KCNMB4: variants seen among roughly 807,000 people sequenced by gnomAD.
KCNMB4 encodes the protein calcium-activated potassium channel subunit beta-4.
In KCNMB4, 3 loss-of-function variants were observed where a neutral mutation model predicts 20.7. That is an observed-to-expected ratio of 0.14 (90% CI 0.07 to 0.37). KCNMB4 has a LOEUF of 0.37. Among genes scored for constraint, KCNMB4 ranks in the 10% least tolerant of loss-of-function variants. The probability of loss-of-function intolerance (pLI) is 1.00; values close to 1 mark genes in which losing one functional copy is unlikely to be tolerated. For missense variants in KCNMB4, 168 were observed against 265.9 expected (o/e 0.63, Z 2.56); for synonymous variants, 110 against 113.4 (o/e 0.97, Z 0.19).
chr12:70,433,531 A>G lies in KCNMB4; in HGVS notation c.*2878A>G, dbSNP rs910796498. ...CACCGTCCATTCATGAATACTTACT[A>G]TATAGCTATACCTAGCTTCAAGAAA... is the stretch of plus-strand genomic sequence containing the variant. On this transcript the variant is annotated 3_prime_UTR_variant, in exon 3 of 3. Transcript: ENST00000258111. 6.6e-6 allele frequency: 1 copy of G among 152,220 alleles called. No individual in the cohort carries two copies. The highest frequency in any genetic ancestry group is 2.4e-5 in the African/African-American group (1 of 41,460). The allele number at this position is 152,220 out of a possible 1,614,324, so 9.4% of individuals were successfully genotyped here.
intron 2 of KCNMB4, among the ~76,000 whole-genome samples, chr12:70,407,081 C>T (rs746719548): frequency 2.6e-5 from 4 of 152,164 alleles, no homozygotes; most frequent in Non-Finnish European, 4.4e-5. Context: ...CTTCAGATGT[C>T]AAGCGCATGT....
At chr12:70,369,203 A>G (rs1004890050) in intron 1 of KCNMB4, among the ~76,000 whole-genome samples, 3 of 152,208 alleles carry the variant, frequency 2.0e-5, no homozygotes, top group African/African-American at 7.2e-5. Flanking sequence ...CTCTTTATCC[A>G]GATTATAATT....
chr12:70,371,013 C>T (rs1321508771), intron 1 of KCNMB4, among the ~76,000 whole-genome samples: 2 of 152,128 alleles, frequency 1.3e-5, no homozygotes, highest in East Asian at 3.9e-4. Flanking sequence ...TGTGCTACCA[C>T]ACCCAGCTAA....
chr12:70,382,113 C>A (rs140310311), intron 1 of KCNMB4, among the ~76,000 whole-genome samples: 1,761 of 152,176 alleles, frequency 0.012, 102 homozygotes, highest in Admixed American at 0.089. Flanking sequence ...TAGAAATATA[C>A]ATCTAATTAA....
chr12:70,367,867 GAAAAAGA>G (rs1048112583), intron 1 of KCNMB4, among the ~76,000 whole-genome samples: 2 of 145,062 alleles, frequency 1.4e-5, no homozygotes, highest in African/African-American at 5.1e-5. Flanking sequence ...AGAAGAAAAA[GAAAAAGA>G]AAAAAAAAAA....
chr12:70,407,679 G>A (rs1199256353), intron 2 of KCNMB4, among the ~76,000 whole-genome samples: 2 of 151,746 alleles, frequency 1.3e-5, no homozygotes, highest in Non-Finnish European at 2.9e-5. Flanking sequence ...GTGTTAGCCA[G>A]GATGGTCTCG....
intron 1 of KCNMB4, among the ~76,000 whole-genome samples, chr12:70,385,922 CTG>C (rs1403915648): frequency 1.3e-5 from 2 of 152,164 alleles, no homozygotes; most frequent in Admixed American, 1.3e-4. Context: ...CAGGTCAACT[CTG>C]TGAAAACAGG....
At chr12:70,378,363 A>G (rs1203785172) in intron 1 of KCNMB4, among the ~76,000 whole-genome samples, 1 of 152,162 alleles carries the variant, frequency 6.6e-6, no homozygotes, top group Non-Finnish European at 1.5e-5. Context: ...GGTTGGAATC[A>G]ACTTCTTCCA....
intron 1 of KCNMB4, among the ~76,000 whole-genome samples, chr12:70,368,224 A>C (rs1883529941): frequency 6.6e-6 from 1 of 152,158 alleles, no homozygotes; most frequent in South Asian, 2.1e-4. Context: ...TATTAATCCA[A>C]AAGAAAAAAA....
chr12:70,384,995 A>C (rs369652564), intron 1 of KCNMB4, among the ~76,000 whole-genome samples: 1 of 152,160 alleles, frequency 6.6e-6, no homozygotes, highest in East Asian at 1.9e-4. Flanking sequence ...TGATCAAGAA[A>C]CCTTTACAAG....
At chr12:70,421,900 C>T (rs566418287) in intron 2 of KCNMB4, among the ~76,000 whole-genome samples, 240 of 137,104 alleles carry the variant, frequency 1.8e-3, no homozygotes, top group South Asian at 7.1e-3. Flanking sequence ...TTTTTTTTAA[C>T]GAAGTTATTT....
At chr12:70,413,057 A>T (rs867015904) in intron 2 of KCNMB4, among the ~76,000 whole-genome samples, 1 of 152,220 alleles carries the variant, frequency 6.6e-6, no homozygotes, top group Non-Finnish European at 1.5e-5. Context: ...GAGAGATTAC[A>T]TCAGAGTTGA....
chr12:70,370,590 G>A (rs1422982457), intron 1 of KCNMB4, among the ~76,000 whole-genome samples: 8 of 152,094 alleles, frequency 5.3e-5, no homozygotes, highest in African/African-American at 1.9e-4. Context: ...TTACAGGCAT[G>A]AGCCACCGCG....
chr12:70,392,385 C>T (rs186005087), intron 1 of KCNMB4, among the ~76,000 whole-genome samples: 2 of 152,174 alleles, frequency 1.3e-5, no homozygotes, highest in East Asian at 1.9e-4. Flanking sequence ...TGGGAGTGTA[C>T]ATTAGTTCAA....
chr12:70,408,466 T>C (rs570776991), intron 2 of KCNMB4, among the ~76,000 whole-genome samples: 25 of 152,328 alleles, frequency 1.6e-4, no homozygotes, highest in African/African-American at 5.5e-4. Context: ...GGTGTTATTT[T>C]AAAAATCTAA....
At chr12:70,428,418 T>C (rs11178236) in intron 2 of KCNMB4, among the ~76,000 whole-genome samples, 19,102 of 152,214 alleles carry the variant, frequency 0.13, 1,282 homozygotes, top group African/African-American at 0.15. Context: ...TGGAGGAGCA[T>C]AATAGTCCTT....
intron 1 of KCNMB4, among the ~76,000 whole-genome samples, chr12:70,394,461 C>T (rs1322352226): frequency 6.6e-6 from 1 of 152,132 alleles, no homozygotes; most frequent in African/African-American, 2.4e-5. Context: ...CTGAATTCTT[C>T]CATAAGATTA....
rs1371893757 is a variant in KCNMB4, at chr12:70,383,730, T to C, written c.337-16479T>C. On this transcript the variant is annotated intron_variant, in intron 1 of 2. Transcript: ENST00000258111. ...TGCCTCTGTCTTCACATGGCCTTTTTCCCTCTGTATGTGTCTCCGTATCCC... is the reference window on the plus strand; with the variant it reads ...TGCCTCTGTCTTCACATGGCCTTTTCCCCTCTGTATGTGTCTCCGTATCCC... Among the ~76,000 whole-genome samples, 7 of 152,218 alleles carry C rather than the reference T, an allele frequency of 4.6e-5. 1 individual carries two copies. The South Asian group carries it at 1.2e-3, about 27-fold the overall frequency.
At chr12:70,373,410 T>G (rs2136115172) in intron 1 of KCNMB4, among the ~76,000 whole-genome samples, 1 of 152,212 alleles carries the variant, frequency 6.6e-6, no homozygotes, top group African/African-American at 2.4e-5. Context: ...ATTGCTAGCT[T>G]TGAATACAGA....
Sources: allele counts gnomAD v4.1 joint callset (sites outside exome capture counted in the v4.1 genomes callset), GRCh38; gene constraint gnomAD v4.1.1; transcripts MANE v1.5; gene names NCBI Gene and HGNC (gene_info 2026-07-23, HGNC 2026-07-21).